Variants in MTMR8 observed in about 807,000 individuals in gnomAD.
The protein encoded by MTMR8 is phosphatidylinositol-3,5-bisphosphate 3-phosphatase MTMR8.
In MTMR8, 65 loss-of-function variants were observed where a neutral mutation model predicts 39.3. That is an observed-to-expected ratio of 1.65 (90% CI 1.35 to 2.03). MTMR8 has a LOEUF of 2.03. Among genes scored for constraint, MTMR8 ranks in the 30% most tolerant of loss-of-function variants. The probability of loss-of-function intolerance (pLI) is 0.00; values close to 1 mark genes in which losing one functional copy is unlikely to be tolerated. For missense variants in MTMR8, 777 were observed against 538.9 expected (o/e 1.44, Z -4.37); for synonymous variants, 245 against 185.2 (o/e 1.32, Z -2.62).
At chrX:64,380,321 C>T (rs1199066125) in intron 1 of MTMR8, among the ~76,000 whole-genome samples, 4 of 112,849 alleles carry the variant, frequency 3.5e-5, no homozygotes, top group Non-Finnish European at 3.7e-5. Context: ...TTAAACTCTG[C>T]AGTGACTTAG....
Position 64,288,205 on chromosome X carries a change from C to G in MTMR8, c.1482-17132G>C, listed in dbSNP as rs750986867. 5.5e-5 allele frequency among the ~76,000 whole-genome samples: 6 copies of G among 109,343 alleles called. No individual in the cohort carries two copies. The South Asian group carries it at 1.2e-3, about 22-fold the overall frequency. The allele number at this position is 109,343 out of a possible 115,157, so 95.0% of individuals were successfully genotyped here. A position where few individuals can be genotyped will look rare whatever the true frequency, so the allele number is the denominator to read the frequency against. ...TCAAAAAGTGGGTAAAGGATCTGAA[C>G]AGACACTTCTCAAAAGAAGACATTT... On this transcript the variant is annotated intron_variant, in intron 12 of 13. Coordinates refer to ENST00000374852, the MANE Select transcript of MTMR8 (RefSeq NM_017677.4).
Position 64,310,652 on chromosome X carries a change from C to A in MTMR8, c.1481+18120G>T, listed in dbSNP as rs751038611. ...TCTCCTAATGCTATCCGTCCCCTAGCCCCTCACCCCCCAACAGGCCCCAGT... is the reference window on the plus strand; with the variant it reads ...TCTCCTAATGCTATCCGTCCCCTAGACCCTCACCCCCCAACAGGCCCCAGT... On this transcript the variant is annotated intron_variant, in intron 12 of 13. Transcript: ENST00000374852. Among the ~76,000 whole-genome samples the A allele has an allele frequency of 4.5e-5, 5 of 110,224 alleles. No individual in the cohort carries two copies. The South Asian group carries it at 1.6e-3, about 35-fold the overall frequency.
At position 64,278,459 on chromosome X, in the gene MTMR8, G is replaced by GTTTTTTTTTTTTTTTTTTTT. The variant is rs1931928205; in HGVS notation, c.1482-7387_1482-7386insAAAAAAAAAAAAAAAAAAAA. ...TGATGTTGATGCTATTTATTTTGCT[G>GTTTTTTTTTTTTTTTTTTTT]GTTTTTTTTTTTTTTTTTTTTTTTT... On this transcript the variant is annotated intron_variant, in intron 12 of 13. Transcript: ENST00000374852. Among the ~76,000 whole-genome samples the GTTTTTTTTTTTTTTTTTTTT allele has an allele frequency of 1.8e-4, 9 of 49,853 alleles. 4 individuals carry two copies. The highest frequency in any genetic ancestry group is 1.0e-3 in the African/African-American group (9 of 8,738). 43.3% of individuals were successfully genotyped at this position (49,853 alleles called of 115,157 possible).
At chrX:64,296,621 G>T (rs1253231502) in intron 12 of MTMR8, among the ~76,000 whole-genome samples, 1 of 100,202 alleles carries the variant, frequency 1.0e-5, no homozygotes, top group African/African-American at 3.7e-5. Flanking sequence ...GGGTACATGT[G>T]CACATTGTGC....
intron 12 of MTMR8, among the ~76,000 whole-genome samples, chrX:64,291,084 A>T (rs776356962): frequency 1.8e-5 from 2 of 111,560 alleles, no homozygotes; most frequent in South Asian, 7.5e-4. Context: ...TCATATTTCT[A>T]TTACATAAAT....
chrX:64,374,464 A>C (rs1318541384), intron 1 of MTMR8, among the ~76,000 whole-genome samples: 2 of 111,975 alleles, frequency 1.8e-5, no homozygotes, highest in African/African-American at 6.5e-5. Context: ...CACTGTGTCA[A>C]ATGTTATAGA....
chrX:64,378,696 G>C (rs997907812), intron 1 of MTMR8, among the ~76,000 whole-genome samples: 12 of 112,147 alleles, frequency 1.1e-4, no homozygotes, highest in Non-Finnish European at 2.1e-4. Flanking sequence ...TTAGAACAAA[G>C]AAAAATCTAA....
chrX:64,287,287 A>G (rs1462752177), intron 12 of MTMR8, among the ~76,000 whole-genome samples: 1 of 111,401 alleles, frequency 9.0e-6, no homozygotes, highest in Non-Finnish European at 1.9e-5. Flanking sequence ...AAGGAGAACT[A>G]CAAACCACTG....
At chrX:64,331,962 G>C (rs1047020811) in intron 10 of MTMR8, among the ~76,000 whole-genome samples, 2 of 111,156 alleles carry the variant, frequency 1.8e-5, no homozygotes, top group East Asian at 5.7e-4. Context: ...CATCCATACT[G>C]TAAACCCTTT....
In MTMR8 at chrX:64,313,692, G is replaced by A. The variant is rs373711745; in HGVS notation, c.1481+15080C>T. Among the ~76,000 whole-genome samples the A allele has an allele frequency of 1.2e-4, 14 of 112,287 alleles. No homozygotes were observed. The East Asian group carries it at 3.4e-3, about 27-fold the overall frequency. On this transcript the variant is annotated intron_variant, in intron 12 of 13. Coordinates refer to ENST00000374852, the MANE Select transcript of MTMR8 (RefSeq NM_017677.4). ...AAAGGCCATTGCATGGTTATTAGTT[G>A]GCCTAATTTCAATATTGTTGTGTCT... is the stretch of plus-strand genomic sequence containing the variant.
chrX:64,329,798 G>C (rs1456757540), intron 11 of MTMR8, among the ~76,000 whole-genome samples: 3 of 110,625 alleles, frequency 2.7e-5, no homozygotes, highest in Non-Finnish European at 5.7e-5. Context: ...CTCATTTGCT[G>C]TTGGTTTATA....
intron 12 of MTMR8, among the ~76,000 whole-genome samples, chrX:64,282,494 CTAAAA>C (rs966084330): frequency 1.4e-4 from 15 of 110,298 alleles, no homozygotes; most frequent in African/African-American, 4.9e-4. Flanking sequence ...ATCCTGGAAC[CTAAAA>C]TAAAATAAAA....
At chrX:64,345,366 C>T (rs759778098) in intron 6 of MTMR8, among the ~76,000 whole-genome samples, 189 bp from the exon 7 acceptor site, 69 of 111,527 alleles carry the variant, frequency 6.2e-4, no homozygotes, top group African/African-American at 2.0e-3. Context: ...TAGTAACAGA[C>T]TCATATAGGG....
chrX:64,292,931 C>A (rs1467254718), intron 12 of MTMR8, among the ~76,000 whole-genome samples: 1 of 111,412 alleles, frequency 9.0e-6, no homozygotes, highest in Non-Finnish European at 1.9e-5. Context: ...TCCACATATA[C>A]CTTGTTGATG....
intron 12 of MTMR8, among the ~76,000 whole-genome samples, chrX:64,307,179 G>C (rs181687463): frequency 8.9e-6 from 1 of 111,862 alleles, no homozygotes; most frequent in Non-Finnish European, 1.9e-5. Context: ...TACTGGATAC[G>C]TTATTTGTAG....
intron 12 of MTMR8, among the ~76,000 whole-genome samples, chrX:64,287,588 A>G (rs1274407021): frequency 1.8e-5 from 2 of 111,058 alleles, no homozygotes; most frequent in Non-Finnish European, 3.8e-5. Flanking sequence ...ACAGTAACCA[A>G]AACAGCATGG....
At chrX:64,288,343 G>T (rs893580271) in intron 12 of MTMR8, among the ~76,000 whole-genome samples, 1 of 111,247 alleles carries the variant, frequency 9.0e-6, no homozygotes, top group Non-Finnish European at 1.9e-5. Flanking sequence ...AGTTACAATG[G>T]CGATCATTAA....
intron 12 of MTMR8, among the ~76,000 whole-genome samples, chrX:64,322,169 A>AT (rs200849539): frequency 1.2e-3 from 122 of 103,982 alleles, no homozygotes; most frequent in South Asian, 4.7e-3. Context: ...TCATTTTTTG[A>AT]TTTTTTTTTG....
chrX:64,325,020 C>T (rs1922753758), intron 12 of MTMR8, among the ~76,000 whole-genome samples: 1 of 110,940 alleles, frequency 9.0e-6, no homozygotes, highest in South Asian at 3.8e-4. Context: ...AAGACAGTAT[C>T]AGGAACAATT....
Sources: allele counts gnomAD v4.1 joint callset (sites outside exome capture counted in the v4.1 genomes callset), GRCh38; gene constraint gnomAD v4.1.1; transcripts MANE v1.5; gene names NCBI Gene and HGNC (gene_info 2026-07-23, HGNC 2026-07-21).